HS6ST2: variants seen among roughly 807,000 people sequenced by gnomAD.
HS6ST2 encodes the protein heparan-sulfate 6-O-sulfotransferase 2.
Under a neutral mutation model 33.0 loss-of-function variants are expected in HS6ST2, and 17 were observed. That is an observed-to-expected ratio of 0.52 (90% CI 0.35 to 0.77). The LOEUF (loss-of-function observed/expected upper bound fraction) is 0.77, where lower values mean the gene tolerates loss of function less well. Ranked by LOEUF, HS6ST2 falls within the 30% of genes least tolerant of loss-of-function variation. HS6ST2 has a pLI of 0.01. For missense variants in HS6ST2, 519 were observed against 551.7 expected (o/e 0.94, Z 0.59); for synonymous variants, 248 against 237.1 (o/e 1.05, Z -0.42).
At chrX:132,947,847 A>C (rs989024576) in intron 2 of HS6ST2, among the ~76,000 whole-genome samples, 1 of 111,511 alleles carries the variant, frequency 9.0e-6, no homozygotes, top group Non-Finnish European at 1.9e-5. Flanking sequence ...CCCCCTAGTC[A>C]ATTTCTAAAT....
At chrX:132,891,757 T>G (rs1478542736) in intron 2 of HS6ST2, among the ~76,000 whole-genome samples, 21 of 112,154 alleles carry the variant, frequency 1.9e-4, no homozygotes, top group African/African-American at 6.5e-4. Context: ...GGTGTATATG[T>G]GCCACATTTT....
intron 2 of HS6ST2, among the ~76,000 whole-genome samples, chrX:132,781,411 G>A (rs1301058035): frequency 9.0e-6 from 1 of 111,461 alleles, no homozygotes; most frequent in Non-Finnish European, 1.9e-5. Flanking sequence ...AAGGCAGGCC[G>A]AGATGGTGAG....
At chrX:132,753,316 T>C (rs1226276452) in intron 2 of HS6ST2, among the ~76,000 whole-genome samples, 1 of 111,821 alleles carries the variant, frequency 8.9e-6, no homozygotes, top group African/African-American at 3.3e-5. Flanking sequence ...TTTATTTATA[T>C]ACAAATAAAG....
intron 3 of HS6ST2, among the ~76,000 whole-genome samples, chrX:132,677,830 TAGGAAG>T (rs2063935159): frequency 9.0e-6 from 1 of 111,511 alleles, no homozygotes; most frequent in Non-Finnish European, 1.9e-5. Context: ...GCACTGAAAT[TAGGAAG>T]AGCTGAGGTC....
chrX:132,894,095 A>T (rs1452897309), intron 2 of HS6ST2, among the ~76,000 whole-genome samples: 2 of 107,808 alleles, frequency 1.9e-5, no homozygotes, highest in Non-Finnish European at 3.8e-5. Context: ...AGGCTACAGC[A>T]TCATGATATA....
intron 3 of HS6ST2, among the ~76,000 whole-genome samples, chrX:132,684,298 C>T (rs768902711): frequency 1.1e-4 from 11 of 102,224 alleles, no homozygotes; most frequent in Admixed American, 2.2e-4. Context: ...TACACGCACA[C>T]ACATATATGT....
intron 4 of HS6ST2, among the ~76,000 whole-genome samples, chrX:132,645,697 G>A (rs1295318735): frequency 8.9e-6 from 1 of 112,094 alleles, no homozygotes; most frequent in East Asian, 2.8e-4. Context: ...TGGCATTGCT[G>A]CATTTCAGCA....
In HS6ST2 at chrX:132,676,555, A is replaced by AAATTATGC. The variant is rs764820260; in HGVS notation, c.981-7364_981-7357dup. ...ATGAGAATTTTCACAAAATAGAACG[A>AAATTATGC]AATTATGCTTATCCTTAGTTTGAAA... On this transcript the variant is annotated intron_variant, in intron 3 of 4. Transcript: ENST00000370833. Among the ~76,000 whole-genome samples, 878 of 112,562 alleles carry AAATTATGC rather than the reference A, an allele frequency of 7.8e-3. 3 individuals carry two copies. Among genetic ancestry groups the AAATTATGC allele is most frequent in the Non-Finnish European group, 0.012 (631 of 53,322 alleles).
intron 4 of HS6ST2, chrX:132,668,528 GC>G (rs1409210894): frequency 9.0e-6 from 1 of 111,380 alleles, no homozygotes; most frequent in Non-Finnish European, 1.9e-5. Flanking sequence ...ATCTAATATC[GC>G]AAATATTCAG....
In HS6ST2 at chrX:132,826,766, A is replaced by G. The variant is rs143553573; in HGVS notation, c.948-118272T>C. On this transcript the variant is annotated intron_variant, in intron 2 of 4. Transcript: ENST00000370833. ...CCACTGTTCTTTTCAGAGAACACCTATAACAACCTAGTGGCATTTGAATTT... is the reference window on the plus strand; with the variant it reads ...CCACTGTTCTTTTCAGAGAACACCTGTAACAACCTAGTGGCATTTGAATTT... Among the ~76,000 whole-genome samples the G allele has an allele frequency of 4.3e-3, 477 of 110,760 alleles. 1 individual carries two copies. Among genetic ancestry groups the G allele is most frequent in the Middle Eastern group, 0.014 (3 of 215 alleles).
At chrX:132,835,620 T>C (rs2065633992) in intron 2 of HS6ST2, among the ~76,000 whole-genome samples, 1 of 112,374 alleles carries the variant, frequency 8.9e-6, no homozygotes, top group Admixed American at 9.4e-5. Flanking sequence ...GAGAACCAGA[T>C]TGATAAGAAA....
At chrX:132,836,195 G>C (rs759814775) in intron 2 of HS6ST2, among the ~76,000 whole-genome samples, 25 of 111,839 alleles carry the variant, frequency 2.2e-4, no homozygotes, top group South Asian at 1.1e-3. Context: ...CTTTTATTGA[G>C]CATCTGCTAT....
rs757980813 is a variant in HS6ST2, at chrX:132,671,151, G to A, written c.981-1952C>T. On this transcript the variant is annotated intron_variant, in intron 3 of 4. Coordinates refer to ENST00000370833, the MANE Select transcript of HS6ST2 (RefSeq NM_001394073.1). ...GGACCTGAGACCAGGGACCATCCTG[G>A]CTATCCTCCTCACAAATTCAAAATT... Among the ~76,000 whole-genome samples the A allele has an allele frequency of 4.4e-5, 5 of 112,504 alleles. No homozygotes were observed. The South Asian group carries it at 1.8e-3, about 41-fold the overall frequency.
At chrX:132,933,185 A>G (rs1169355610) in intron 2 of HS6ST2, among the ~76,000 whole-genome samples, 1 of 109,176 alleles carries the variant, frequency 9.2e-6, no homozygotes, top group Non-Finnish European at 1.9e-5. Flanking sequence ...AAAATTGGCC[A>G]GGCATGGTGG....
chrX:132,957,330 G>T lies in HS6ST2; in HGVS notation c.429-4C>A. 8.7e-7 allele frequency: 1 copy of T among 1,154,533 alleles called. No homozygotes were observed. The highest frequency in any genetic ancestry group is 2.1e-5 in the South Asian group (1 of 48,025). On this transcript the variant is annotated splice_region_variant and splice_polypyrimidine_tract_variant and intron_variant, in intron 1 of 4. Transcript: ENST00000370833. ...TTTCTCATCCATGTTCCCGACGCTGGGGGAAACCCAAGCTCGTTACGTCAA... is the reference window on the plus strand; with the variant it reads ...TTTCTCATCCATGTTCCCGACGCTGTGGGAAACCCAAGCTCGTTACGTCAA...
chrX:132,810,433 GAGAAAGAGAGAGAC>G (rs1057460987), intron 2 of HS6ST2, among the ~76,000 whole-genome samples: 2 of 106,245 alleles, frequency 1.9e-5, no homozygotes, highest in Non-Finnish European at 3.9e-5. Flanking sequence ...AGGAAGGAGA[GAGAAAGAGAGAGAC>G]AGAAAGAGAG....
At chrX:132,763,389 C>CAG (rs1198031785) in intron 2 of HS6ST2, among the ~76,000 whole-genome samples, 3 of 112,459 alleles carry the variant, frequency 2.7e-5, no homozygotes, top group Non-Finnish European at 5.6e-5. Flanking sequence ...TGGGCATTCC[C>CAG]AGAGAGAGGG....
chrX:132,680,665 T>A (rs918956620), intron 3 of HS6ST2, among the ~76,000 whole-genome samples: 1 of 110,641 alleles, frequency 9.0e-6, no homozygotes, highest in Non-Finnish European at 1.9e-5. Context: ...AGAAACTAGA[T>A]CTAGTCTGGG....
At chrX:132,667,743 C>T (rs2063819803) in intron 4 of HS6ST2, 1 of 112,035 alleles carries the variant, frequency 8.9e-6, no homozygotes, top group Admixed American at 9.4e-5. Context: ...GTACAGGGTG[C>T]CCAGGTAGGG....
Sources: gnomAD v4.1 joint callset for allele counts (sites outside exome capture counted in the v4.1 genomes callset) on GRCh38, gnomAD v4.1.1 for gene constraint, MANE v1.5 for transcripts, NCBI Gene and HGNC (gene_info 2026-07-23, HGNC 2026-07-21) for gene names.